The following HECW1 variants were observed in gnomAD, a reference collection of about 807,000 sequenced individuals.
HECW1 encodes E3 ubiquitin-protein ligase HECW1.
A neutral mutation model predicts 182.3 loss-of-function variants in HECW1; 61 were observed. That is an observed-to-expected ratio of 0.33 (90% CI 0.27 to 0.41). The LOEUF is 0.41. Among genes scored for constraint, HECW1 ranks in the 10% least tolerant of loss-of-function variants. The probability of loss-of-function intolerance (pLI) is 1.00; values close to 1 mark genes in which losing one functional copy is unlikely to be tolerated. For missense variants in HECW1, 1,739 were observed against 2,108.9 expected (o/e 0.82, Z 3.44); for synonymous variants, 859 against 832.6 (o/e 1.03, Z -0.55).
In HECW1 at chr7:43,176,107, G is replaced by C. The variant is rs566415564; in HGVS notation, c.-32+61716G>C. Among the ~76,000 whole-genome samples, 144 of 152,292 alleles carry C rather than the reference G, an allele frequency of 9.5e-4. 1 individual carries two copies. Among genetic ancestry groups the C allele is most frequent in the Middle Eastern group, 6.8e-3 (2 of 294 alleles). On this transcript the variant is annotated intron_variant, in intron 2 of 29. Transcript: ENST00000395891. ...TTTCCTGATACAGTAGACAGCATTT[G>C]CAAATAAAAAGTGGCAAATATGGGC...
At position 43,244,854 on chromosome 7, in the gene HECW1, T is replaced by C. The variant is rs1300269654; in HGVS notation, c.27+922T>C. ...TTTATTAAGCACATCCACATGCATA[T>C]TCAGCTAATCCTTGAAATAACCCTG... On this transcript the variant is annotated intron_variant, in intron 3 of 29. Coordinates refer to ENST00000395891, the MANE Select transcript of HECW1 (RefSeq NM_015052.5). Among the ~76,000 whole-genome samples, 5 of 152,226 alleles carry C rather than the reference T, an allele frequency of 3.3e-5. No homozygotes were observed. The East Asian group carries it at 9.6e-4, about 29-fold the overall frequency.
chr7:43,558,115 C>T (rs992360717), intron 29 of HECW1, among the ~76,000 whole-genome samples: 1 of 152,082 alleles, frequency 6.6e-6, no homozygotes, highest in Non-Finnish European at 1.5e-5. Context: ...GAGGCAGCAT[C>T]TGGAAAGAGC....
rs1423997523 is a variant in HECW1, at chr7:43,406,264, T to TCCTTTTAC, written c.632-1296_632-1289dup. On this transcript the variant is annotated intron_variant, in intron 7 of 29. Coordinates refer to ENST00000395891, the MANE Select transcript of HECW1 (RefSeq NM_015052.5). ...TTATCTGTGAGTTCCCTAATAAAAC[T>TCCTTTTAC]CCTTTTACCGACAAACTGGATTTGT... is the stretch of plus-strand genomic sequence containing the variant. Among the ~76,000 whole-genome samples, 9 of 152,268 alleles carry TCCTTTTAC rather than the reference T, an allele frequency of 5.9e-5. No individual in the cohort carries two copies. In the East Asian group the frequency reaches 1.7e-3, roughly 29 times the overall value.
At chr7:43,517,090 G>A (rs766577249) in intron 24 of HECW1, among the ~76,000 whole-genome samples, 9 of 152,122 alleles carry the variant, frequency 5.9e-5, no homozygotes, top group Non-Finnish European at 1.2e-4. Context: ...TTTAAGAAAC[G>A]ACTACGTTAT....
intron 2 of HECW1, among the ~76,000 whole-genome samples, chr7:43,140,715 GGCT>G: frequency 6.6e-6 from 1 of 152,264 alleles, no homozygotes; most frequent in East Asian, 1.9e-4. Flanking sequence ...GTATCAGCTC[GGCT>G]GCTGTAAGTG....
intron 2 of HECW1, among the ~76,000 whole-genome samples, chr7:43,166,870 GTGA>G (rs1447687314): frequency 1.3e-5 from 2 of 152,210 alleles, no homozygotes; most frequent in African/African-American, 4.8e-5. Context: ...CTGGTCATGG[GTGA>G]TGACAGGTGC....
intron 22 of HECW1, among the ~76,000 whole-genome samples, 199 bp downstream of exon 22, chr7:43,507,456 G>C (rs76916583): frequency 1.0e-3 from 156 of 152,306 alleles, no homozygotes; most frequent in African/African-American, 3.6e-3. Context: ...GAAGCAGGAA[G>C]AGAAGGTAAG....
intron 9 of HECW1, chr7:43,439,144 C>G (rs966944877): frequency 2.6e-5 from 4 of 152,146 alleles, no homozygotes; most frequent in Admixed American, 6.5e-5. Flanking sequence ...ATTAAACAGA[C>G]AAAAAGTGTA....
intron 4 of HECW1, among the ~76,000 whole-genome samples, chr7:43,318,122 C>T (rs1199706128): frequency 6.6e-6 from 1 of 152,170 alleles, no homozygotes; most frequent in Non-Finnish European, 1.5e-5. Context: ...CATGAATGGA[C>T]ATCCTTCTTC....
At chr7:43,124,160 A>G (rs1785934646) in intron 2 of HECW1, among the ~76,000 whole-genome samples, 1 of 152,206 alleles carries the variant, frequency 6.6e-6, no homozygotes, top group African/African-American at 2.4e-5. Context: ...CTATTTTTAT[A>G]GAAACATGAA....
chr7:43,364,926 A>G (rs543127903), intron 6 of HECW1, among the ~76,000 whole-genome samples: 1 of 152,308 alleles, frequency 6.6e-6, no homozygotes, highest in South Asian at 2.1e-4. Flanking sequence ...GCCCCATGAT[A>G]TATTTTTCTT....
intron 2 of HECW1, among the ~76,000 whole-genome samples, chr7:43,172,030 CACTT>C (rs1221400327): frequency 2.6e-5 from 4 of 151,738 alleles, no homozygotes; most frequent in African/African-American, 9.7e-5. Context: ...GTAATCCCAG[CACTT>C]TGGGAGGCTG....
At chr7:43,141,729 G>A (rs139937610) in intron 2 of HECW1, among the ~76,000 whole-genome samples, 141 of 152,176 alleles carry the variant, frequency 9.3e-4, no homozygotes, top group African/African-American at 3.2e-3. Context: ...AACTCCCGAC[G>A]TCAGGTGATC....
chr7:43,488,492 A>AAGAAAGAAAGAAAG (rs1563046885), intron 17 of HECW1, among the ~76,000 whole-genome samples: 46 of 132,518 alleles, frequency 3.5e-4, no homozygotes, highest in African/African-American at 1.2e-3. Context: ...AAGAAAGAGA[A>AAGAAAGAAAGAAAG]AGAAAGAAAG....
chr7:43,352,592 A>G (rs189571013), intron 5 of HECW1, among the ~76,000 whole-genome samples: 86 of 152,324 alleles, frequency 5.6e-4, no homozygotes, highest in African/African-American at 1.7e-3. Context: ...GCCATGAACC[A>G]TATGTGTGAC....
At chr7:43,475,747 G>C (rs566951537) in intron 16 of HECW1, among the ~76,000 whole-genome samples, 13 of 152,156 alleles carry the variant, frequency 8.5e-5, no homozygotes, top group Admixed American at 2.0e-4. Flanking sequence ...TTTTTTGGTA[G>C]AGACAGGTTT....
At chr7:43,252,664 A>G (rs2152727275) in intron 3 of HECW1, among the ~76,000 whole-genome samples, 1 of 152,336 alleles carries the variant, frequency 6.6e-6, no homozygotes, top group African/African-American at 2.4e-5. Context: ...CCATAGTCAT[A>G]CCCACGCATT....
chr7:43,438,236 A>C, intron 9 of HECW1, 91 bp downstream of exon 9: 1 of 1,042,854 alleles, frequency 9.6e-7, no homozygotes, highest in Non-Finnish European at 1.4e-6. Flanking sequence ...GTATAGTCTC[A>C]CAGAGAGTCA....
At chr7:43,532,406 T>C (rs1043410339) in intron 24 of HECW1, among the ~76,000 whole-genome samples, 27 of 151,796 alleles carry the variant, frequency 1.8e-4, no homozygotes, top group African/African-American at 6.5e-4. Context: ...AACACATCGG[T>C]TCATTCCAAA....
Sources: gnomAD v4.1 joint callset for allele counts (sites outside exome capture counted in the v4.1 genomes callset) on GRCh38, gnomAD v4.1.1 for gene constraint, MANE v1.5 for transcripts, NCBI Gene and HGNC (gene_info 2026-07-23, HGNC 2026-07-21) for gene names.